MKNK2: variants seen among roughly 807,000 people sequenced by gnomAD.
MKNK2 encodes the protein MAP kinase-interacting serine/threonine-protein kinase 2.
A neutral mutation model predicts 55.0 loss-of-function variants in MKNK2; 54 were observed. The observed-to-expected ratio is 0.98, with a 90% CI of 0.79 to 1.23. The LOEUF is 1.23. MKNK2 is among the 50% of genes most tolerant of loss of function. The pLI is 0.00. For synonymous variants in MKNK2, 323 were observed against 256.0 expected, an observed-to-expected ratio of 1.26 and a Z score of -2.50; for missense variants, 685 against 632.1, an observed-to-expected ratio of 1.08 and a Z score of -0.90.
Position 2,041,126 on chromosome 19 carries a change from T to G in MKNK2, c.1024A>C (p.Lys342Gln). The change falls in exon 12 of 14, where the codon AAA becomes CAA. Residue 342 changes from lysine to glutamine, a missense_variant. By Grantham distance (53) the Lys-to-Gln change is moderately conservative. Coordinates refer to ENST00000250896, the MANE Select transcript of MKNK2 (RefSeq NM_199054.3). Reference sequence around the variant, plus strand: ...ACCAGCAGCTTGGAGATGAGGTCTTTGGCAGCGCAGGAGATGTGGGCCCAG... The same window carrying G: ...ACCAGCAGCTTGGAGATGAGGTCTTGGGCAGCGCAGGAGATGTGGGCCCAG... ...KDWAHISCAA[K>Q]DLISKLLVRD... 6.2e-7 allele frequency: 1 copy of G among 1,614,052 alleles called. No homozygotes were observed. Among genetic ancestry groups the G allele is most frequent in the Non-Finnish European group, 8.5e-7 (1 of 1,179,966 alleles).
In MKNK2 at chr19:2,037,842, A is replaced by G. The variant is rs1174124189; in HGVS notation, c.*1771T>C. 6.3e-7 allele frequency: 1 copy of G among 1,579,010 alleles called. No individual in the cohort carries two copies. The highest frequency in any genetic ancestry group is 1.4e-5 in the African/African-American group (1 of 72,798). On this transcript the variant is annotated 3_prime_UTR_variant, in exon 14 of 14. Transcript: ENST00000250896. ...GTGACTGTCCCACCTTCAGAAAAAAAAAAAAAAACAAACAAACAAACGCTG... is the reference window on the plus strand; with the variant it reads ...GTGACTGTCCCACCTTCAGAAAAAAGAAAAAAAACAAACAAACAAACGCTG...
rs1390507093 is a variant in MKNK2, at chr19:2,038,810, C to T, written c.*803G>A. The T allele has an allele frequency of 3.0e-6, 3 of 985,540 alleles. No homozygotes were observed. Among genetic ancestry groups the T allele is most frequent in the African/African-American group, 3.5e-5 (2 of 57,208 alleles). 61.0% of individuals were successfully genotyped at this position (985,540 alleles called of 1,614,324 possible). A position where few individuals can be genotyped will look rare whatever the true frequency, so the allele number is the denominator to read the frequency against. On this transcript the variant is annotated 3_prime_UTR_variant, in exon 14 of 14. Coordinates refer to ENST00000250896, the MANE Select transcript of MKNK2 (RefSeq NM_199054.3). ...CTGCCTGCTGCGGTGGAAACGGCTT[C>T]GGGCCAGGCGGGGCTCCTGCTGTCT...
chr19:2,041,350 A>C, intron 11 of MKNK2, 146 bp from the exon 12 acceptor site: 1 of 777,154 alleles, frequency 1.3e-6, no homozygotes, highest in Non-Finnish European at 2.0e-6. Flanking sequence ...TGGGAGCCGG[A>C]CCAGGAGAGT....
chr19:2,038,302 G>A lies in MKNK2; in HGVS notation c.*1311C>T. 1.0e-6 allele frequency: 1 copy of A among 986,798 alleles called. No homozygotes were observed. 61.1% of individuals were successfully genotyped at this position (986,798 alleles called of 1,614,324 possible). On this transcript the variant is annotated 3_prime_UTR_variant, in exon 14 of 14. Coordinates refer to ENST00000250896, the MANE Select transcript of MKNK2 (RefSeq NM_199054.3). ...AACAGGAGGAAGAATCCCGACCGCGGATTTAGAAGCCAGAGGGGCTGCCCC... is the reference window on the plus strand; with the variant it reads ...AACAGGAGGAAGAATCCCGACCGCGAATTTAGAAGCCAGAGGGGCTGCCCC...
Position 2,039,783 on chromosome 19 carries a change from C to A in MKNK2, c.1228G>T (p.Asp410Tyr), listed in dbSNP as rs1446108957. ...IAMNRQLAQH[D>Y]EDLAEEEAAG... ...GCCTCCTCCTCAGCCAGGTCCTCGT[C>A]GTGCTGGGCCAGCTGCCGGTTCATG... Residue 410 changes from aspartate to tyrosine, a missense_variant, in exon 14 of 14, where the codon GAC becomes TAC. Transcript: ENST00000250896. The A allele has an allele frequency of 1.2e-6, 2 of 1,607,286 alleles. No individual in the cohort carries two copies. The highest frequency in any genetic ancestry group is 1.7e-5 in the Admixed American group (1 of 59,994).
Position 2,042,662 on chromosome 19 carries a change from C to T in MKNK2, c.599G>A (p.Gly200Asp). ...ASALDFLHNK[G>D]IAHRDLKPEN... ...CGGCTTTAGGTCCCTGTGGGCGATG[C>T]CTGGGGGAGAAGCCACAGAACCACG... The change falls in exon 9 of 14, where the codon GGC (glycine) becomes GAC (aspartate). Residue 200 changes from glycine to aspartate, a missense_variant and splice_region_variant. Transcript: ENST00000250896. 2 of 1,560,710 alleles carry T rather than the reference C, an allele frequency of 1.3e-6. No homozygotes were observed. The highest frequency in any genetic ancestry group is 1.2e-5 in the South Asian group (1 of 84,806).
chr19:2,039,881 G>C, intron 13 of MKNK2, 25 bp from the exon 14 acceptor site: 1 of 1,578,890 alleles, frequency 6.3e-7, no homozygotes, highest in Non-Finnish European at 8.6e-7. Context: ...GGGGGTAGGT[G>C]GTCACCAAGA....
chr19:2,046,441 A>C lies in MKNK2; in HGVS notation c.167T>G (p.Ile56Ser). Residue 56 changes from isoleucine to serine, a missense_variant, in exon 4 of 14, where the codon ATC (isoleucine) becomes AGC (serine). Physicochemically the swap from Ile to Ser is moderately radical, Grantham distance 142 (BLOSUM62 -2). Coordinates refer to ENST00000250896, the MANE Select transcript of MKNK2 (RefSeq NM_199054.3). ...PDMPASQPIDIPDAKKRGKKK... is the reference protein window; with the variant it reads ...PDMPASQPIDSPDAKKRGKKK... ...CTTGCCCCTCTTCTTGGCGTCCGGG[A>C]TGTCAATGGGCTGGCTGGCGGGCAT... 1 of 1,609,138 alleles carries C rather than the reference A, an allele frequency of 6.2e-7. No homozygotes were observed. Among genetic ancestry groups the C allele is most frequent in the Non-Finnish European group, 8.5e-7 (1 of 1,179,686 alleles).
chr19:2,044,615 G>A (rs982450405), intron 5 of MKNK2, among the ~76,000 whole-genome samples: 1 of 152,244 alleles, frequency 6.6e-6, no homozygotes, highest in Non-Finnish European at 1.5e-5. Flanking sequence ...GCAGGGATGT[G>A]GCATTCCACC....
chr19:2,044,659 T>C (rs1232463902), intron 5 of MKNK2, among the ~76,000 whole-genome samples: 2 of 152,226 alleles, frequency 1.3e-5, no homozygotes. Context: ...TGCAGTCCCA[T>C]GTCTATACTG....
chr19:2,046,033 T>C (rs1317743390), intron 5 of MKNK2, among the ~76,000 whole-genome samples, 153 bp downstream of exon 5: 1 of 152,200 alleles, frequency 6.6e-6, no homozygotes, highest in Non-Finnish European at 1.5e-5. Context: ...ACCCTCACTG[T>C]CATTCCCGAC....
At position 2,050,912 on chromosome 19, in the gene MKNK2, CGGGCGGCCGGGCGGG is replaced by C. The variant is rs2017104442; in HGVS notation, c.-76_-62del. 3 of 1,274,570 alleles carry C rather than the reference CGGGCGGCCGGGCGGG, an allele frequency of 2.4e-6. No individual in the cohort carries two copies. The highest frequency in any genetic ancestry group is 3.1e-5 in the East Asian group (1 of 32,620). The allele number at this position is 1,274,570 out of a possible 1,614,324, so 79.0% of individuals were successfully genotyped here. A position where few individuals can be genotyped will look rare whatever the true frequency, so the allele number is the denominator to read the frequency against. ...GAGGGCCCGGGGGGAGGCCCGAGGG[CGGGCGGCCGGGCGGG>C]GGGCGGCCGAGGAGGGGACCCTGCG... On this transcript the variant is annotated 5_prime_UTR_variant, in exon 2 of 14. Transcript: ENST00000250896.
intron 2 of MKNK2, among the ~76,000 whole-genome samples, chr19:2,049,004 T>A (rs2017056709): frequency 6.6e-6 from 1 of 152,126 alleles, no homozygotes; most frequent in Non-Finnish European, 1.5e-5. Flanking sequence ...CCCCAACTCG[T>A]GGGAGCTCAC....
At chr19:2,043,623 C>T (rs759302719) in intron 5 of MKNK2, 41 bp from the exon 6 acceptor site, 24 of 1,578,310 alleles carry the variant, frequency 1.5e-5, no homozygotes, top group East Asian at 6.8e-5. Context: ...GTTGGTGGGA[C>T]GCTCATAGTC....
Position 2,039,242 on chromosome 19 carries a change from TGAGTCA to T in MKNK2, c.*365_*370del. Reference sequence around the variant, plus strand: ...GGCAAACGCTGTGGGCCTGCTCTCCTGAGTCACTGCAAGCCACGTGGGCAGATGGCG... The same window carrying T: ...GGCAAACGCTGTGGGCCTGCTCTCCTCTGCAAGCCACGTGGGCAGATGGCG... On this transcript the variant is annotated 3_prime_UTR_variant, in exon 14 of 14. Transcript: ENST00000250896. 9.1e-7 allele frequency: 1 copy of T among 1,098,544 alleles called. No homozygotes were observed. 68.0% of individuals were successfully genotyped at this position (1,098,544 alleles called of 1,614,324 possible).
In MKNK2 at chr19:2,040,117, A is replaced by G; in HGVS notation, c.1154+17T>C. 1 of 1,584,594 alleles carries G rather than the reference A, an allele frequency of 6.3e-7. No homozygotes were observed. Among genetic ancestry groups the G allele is most frequent in the Non-Finnish European group, 8.6e-7 (1 of 1,166,886 alleles). On this transcript the variant is annotated intron_variant, in intron 13 of 13. Coordinates refer to ENST00000250896, the MANE Select transcript of MKNK2 (RefSeq NM_199054.3). ...CCCCCTGGACTCAGGGGTCCCGAGC[A>G]CCCCTGCGGGCCTTACCTCTGCAGG...
chr19:2,042,256 G>C (rs557484222), intron 10 of MKNK2, 171 bp downstream of exon 10: 8 of 740,742 alleles, frequency 1.1e-5, no homozygotes, highest in African/African-American at 9.1e-5. Context: ...CCGACGCGTT[G>C]GGGCGCCTGC....
intron 5 of MKNK2, among the ~76,000 whole-genome samples, chr19:2,044,351 T>A (rs1255491858): frequency 6.6e-6 from 1 of 152,320 alleles, no homozygotes; most frequent in Non-Finnish European, 1.5e-5. Flanking sequence ...TGGTTGGCTG[T>A]CCCAGCCACT....
At position 2,039,315 on chromosome 19, in the gene MKNK2, A is replaced by T; in HGVS notation, c.*298T>A. The T allele has an allele frequency of 7.9e-7, 1 of 1,273,794 alleles. No homozygotes were observed. The highest frequency in any genetic ancestry group is 1.0e-6 in the Non-Finnish European group (1 of 1,004,974). 78.9% of individuals were successfully genotyped at this position (1,273,794 alleles called of 1,614,324 possible). On this transcript the variant is annotated 3_prime_UTR_variant, in exon 14 of 14. Coordinates refer to ENST00000250896, the MANE Select transcript of MKNK2 (RefSeq NM_199054.3). ...TGGGGGCACCTTCATAGTAGAGGTG[A>T]GCAGGGCGGGGGACCGGGGAGGGGA...
Sources: allele counts gnomAD v4.1 joint callset (sites outside exome capture counted in the v4.1 genomes callset), GRCh38; gene constraint gnomAD v4.1.1; transcripts MANE v1.5; gene names NCBI Gene and HGNC (gene_info 2026-07-23, HGNC 2026-07-21).